Variants in LSM7 observed in about 807,000 individuals in gnomAD.
The protein encoded by LSM7 is U6 snRNA-associated Sm-like protein LSm7.
A neutral mutation model predicts 14.1 loss-of-function variants in LSM7; 13 were observed. That is an observed-to-expected ratio of 0.92 (90% CI 0.60 to 1.47). LSM7 has a LOEUF of 1.47. LSM7 is among the 40% of genes most tolerant of loss of function. The probability of loss-of-function intolerance (pLI) is 0.00; values close to 1 mark genes in which losing one functional copy is unlikely to be tolerated. For missense variants in LSM7, 108 were observed against 140.8 expected (o/e 0.77, Z 1.18); for synonymous variants, 70 against 57.1 (o/e 1.23, Z -1.02).
In LSM7 at chr19:2,321,752, G is replaced by A. The variant is rs375881143; in HGVS notation, c.240C>T (p.Ser80=). 60 of 1,564,052 alleles carry A rather than the reference G, an allele frequency of 3.8e-5. No homozygotes were observed. The highest frequency in any genetic ancestry group is 2.5e-4 in the African/African-American group (18 of 73,452). The change falls in exon 4 of 4, where the codon TCC becomes TCT. Residue 80 remains serine, a synonymous_variant. Coordinates refer to ENST00000252622, the MANE Select transcript of LSM7 (RefSeq NM_016199.3). This position sits in a 1 kb window ranked among gnomAD's most constrained non-coding sequence, Gnocchi z 5.0. The part of the protein sequence containing the change: ...QLGLVVCRGT[S]VVLICPQDGM... ...CGTCCTGCGGGCAGATTAGCACCAC[G>A]GACGTGCCCCGGCACACCACGAGGC...
chr19:2,325,148 C>T (rs1286337152), intron 2 of LSM7, among the ~76,000 whole-genome samples: 5 of 152,200 alleles, frequency 3.3e-5, no homozygotes, highest in Non-Finnish European at 7.4e-5. Flanking sequence ...CCTCAAGCTT[C>T]GCCGCCTTGG....
At chr19:2,327,536 T>C (rs536714387) in intron 2 of LSM7, among the ~76,000 whole-genome samples, 1 of 152,074 alleles carries the variant, frequency 6.6e-6, no homozygotes, top group African/African-American at 2.4e-5. Context: ...CCACTGTGCC[T>C]GGCCTCCTTT....
At chr19:2,325,592 C>A (rs1968002210) in intron 2 of LSM7, among the ~76,000 whole-genome samples, 1 of 152,236 alleles carries the variant, frequency 6.6e-6, no homozygotes, top group Non-Finnish European at 1.5e-5. Context: ...TGTCTCCTCC[C>A]AAGGCAGGGC....
At chr19:2,323,819 C>T (rs950679703) in intron 3 of LSM7, among the ~76,000 whole-genome samples, 2 of 152,162 alleles carry the variant, frequency 1.3e-5, no homozygotes, top group African/African-American at 4.8e-5. Context: ...TCTAACTGTG[C>T]CGGGCGCCCC....
intron 1 of LSM7, 21 bp from the exon 2 acceptor site, chr19:2,328,498 A>G (rs1968091893): frequency 6.2e-7 from 1 of 1,613,020 alleles, no homozygotes; most frequent in African/African-American, 1.3e-5. Flanking sequence ...AGCAGAGCGC[A>G]TGAGACCTGG....
chr19:2,325,099 G>T (rs749737394), intron 2 of LSM7, among the ~76,000 whole-genome samples: 1 of 152,184 alleles, frequency 6.6e-6, no homozygotes, highest in African/African-American at 2.4e-5. Context: ...GGGCTGAGAC[G>T]GTCTCTGTGG....
chr19:2,328,207 T>C, intron 2 of LSM7, 180 bp downstream of exon 2: 2 of 573,302 alleles, frequency 3.5e-6, no homozygotes, highest in African/African-American at 3.8e-5. Context: ...GAGGCGGAGG[T>C]TGCAGTGAGC....
intron 2 of LSM7, 53 bp from the exon 3 acceptor site, chr19:2,324,249 G>T: frequency 7.0e-7 from 1 of 1,419,622 alleles, no homozygotes; most frequent in Non-Finnish European, 9.7e-7. Flanking sequence ...TCCGTCCTGG[G>T]CGCAGGGCCC....
chr19:2,328,256 C>A (rs1968080641), intron 2 of LSM7, 131 bp downstream of exon 2: 2 of 790,728 alleles, frequency 2.5e-6, no homozygotes, highest in Non-Finnish European at 3.9e-6. Context: ...GGTGACAGAG[C>A]GAGACTGCGT....
chr19:2,326,308 CTT>C (rs763242978), intron 2 of LSM7, among the ~76,000 whole-genome samples: 3,225 of 109,602 alleles, frequency 0.029, 42 homozygotes, highest in Middle Eastern at 0.044. Flanking sequence ...ACCCTTTCTG[CTT>C]TTTGTGTGTG....
At chr19:2,327,051 A>G (rs1968038652) in intron 2 of LSM7, among the ~76,000 whole-genome samples, 1 of 152,178 alleles carries the variant, frequency 6.6e-6, no homozygotes, top group African/African-American at 2.4e-5. Flanking sequence ...CAACCTCCTG[A>G]GAGCCCTTGA....
At chr19:2,327,393 C>G (rs1025775519) in intron 2 of LSM7, among the ~76,000 whole-genome samples, 2 of 152,066 alleles carry the variant, frequency 1.3e-5, no homozygotes, top group Non-Finnish European at 2.9e-5. Flanking sequence ...CAAGCGTGCG[C>G]CACCATGCCC....
intron 2 of LSM7, 51 bp downstream of exon 2, chr19:2,328,336 G>T: frequency 6.7e-7 from 1 of 1,501,126 alleles, no homozygotes; most frequent in Non-Finnish European, 9.2e-7. Context: ...CTGTTGCTGG[G>T]TTTATTTGAA....
chr19:2,327,626 C>T (rs1041794081), intron 2 of LSM7, among the ~76,000 whole-genome samples: 1 of 152,168 alleles, frequency 6.6e-6, no homozygotes, highest in African/African-American at 2.4e-5. Flanking sequence ...CAGCCTCAAA[C>T]CCTAGGGTGA....
In LSM7 at chr19:2,328,578, G is replaced by T. The variant is rs373574624; in HGVS notation, c.-12C>A. The T allele has an allele frequency of 2.3e-3, 3,597 of 1,576,988 alleles. 8 individuals are homozygous for T. Among genetic ancestry groups the T allele is most frequent in the Non-Finnish European group, 2.9e-3 (3,416 of 1,163,914 alleles). ...GCGCTCACCGCCATCTTGTCGCGCC[G>T]TGTGGCTCTTCGCAGGCACCGCCCC... is the stretch of plus-strand genomic sequence containing the variant. On this transcript the variant is annotated 5_prime_UTR_variant, in exon 1 of 4. Transcript: ENST00000252622.
At position 2,321,523 on chromosome 19, in the gene LSM7, G is replaced by T; in HGVS notation, c.*157C>A. The T allele has an allele frequency of 1.3e-6, 1 of 793,196 alleles. No individual in the cohort carries two copies. Among genetic ancestry groups the T allele is most frequent in the Non-Finnish European group, 1.8e-6 (1 of 553,016 alleles). 49.1% of individuals were successfully genotyped at this position (793,196 alleles called of 1,614,324 possible). ...GCAAGATTCGGGGCTCAGACACATT[G>T]AGGTTTGCAATTTTATTAAGAAAAC... On this transcript the variant is annotated 3_prime_UTR_variant, in exon 4 of 4. Coordinates refer to ENST00000252622, the MANE Select transcript of LSM7 (RefSeq NM_016199.3). This position sits in a 1 kb window ranked among gnomAD's most constrained non-coding sequence, Gnocchi z 5.0.
intron 2 of LSM7, among the ~76,000 whole-genome samples, chr19:2,327,114 T>A (rs2145126781): frequency 6.6e-6 from 1 of 152,290 alleles, no homozygotes; most frequent in Non-Finnish European, 1.5e-5. Flanking sequence ...AATAAAATGG[T>A]GCTGTTTCAG....
chr19:2,326,310 T>TGTGTGTG (rs1968014631), intron 2 of LSM7, among the ~76,000 whole-genome samples: 4 of 99,784 alleles, frequency 4.0e-5, no homozygotes, highest in South Asian at 3.1e-4. Context: ...CCTTTCTGCT[T>TGTGTGTG]TTTGTGTGTG....
chr19:2,327,391 C>A (rs1051793730), intron 2 of LSM7, among the ~76,000 whole-genome samples: 1 of 151,942 alleles, frequency 6.6e-6, no homozygotes, highest in Non-Finnish European at 1.5e-5. Flanking sequence ...TACAAGCGTG[C>A]GCCACCATGC....
Sources: allele counts gnomAD v4.1 joint callset (sites outside exome capture counted in the v4.1 genomes callset), GRCh38; gene constraint gnomAD v4.1.1; non-coding constraint Gnocchi (gnomAD v3.1); transcripts MANE v1.5; gene names NCBI Gene and HGNC (gene_info 2026-07-23, HGNC 2026-07-21).